The following NLRP3 variants were observed in gnomAD, a reference collection of about 807,000 sequenced individuals.
NLRP3 encodes NLR family pyrin domain containing 3.
Under a neutral mutation model 91.3 loss-of-function variants are expected in NLRP3, and 48 were observed. That is an observed-to-expected ratio of 0.53 (90% CI 0.42 to 0.67). The LOEUF (loss-of-function observed/expected upper bound fraction) is 0.67. NLRP3 is among the 30% of genes least tolerant of loss of function. The pLI, the probability that NLRP3 is intolerant of heterozygous loss-of-function variation, is 0.00. For synonymous variants in NLRP3, 561 were observed against 507.9 expected, an observed-to-expected ratio of 1.10 and a Z score of -1.41; for missense variants, 982 against 1,276.9, an observed-to-expected ratio of 0.77 and a Z score of 3.52.
intron 2 of NLRP3, among the ~76,000 whole-genome samples, chr1:247,421,864 A>C (rs1662482254): frequency 6.6e-6 from 1 of 152,086 alleles, no homozygotes; most frequent in South Asian, 2.1e-4. Flanking sequence ...ATTTACTGTC[A>C]TGGCTCCTAC....
chr1:247,436,260 A>G (rs1663785109), intron 7 of NLRP3, 120 bp downstream of exon 7: 6 of 909,020 alleles, frequency 6.6e-6, no homozygotes, highest in Non-Finnish European at 1.1e-5. Context: ...AGGAGGTAAA[A>G]ACATCAGAAA....
rs1383818420 is a variant in NLRP3, at chr1:247,425,821, GT to G, written c.2150+225del. 5 of 576,310 alleles carry G rather than the reference GT, an allele frequency of 8.7e-6. No individual in the cohort carries two copies. Among genetic ancestry groups the G allele is most frequent in the Non-Finnish European group, 1.5e-5 (5 of 322,698 alleles). 35.7% of individuals were successfully genotyped at this position (576,310 alleles called of 1,614,324 possible). On this transcript the variant is annotated intron_variant, in intron 4 of 9. Coordinates refer to ENST00000336119, the MANE Select transcript of NLRP3 (RefSeq NM_001243133.2). This position sits in a 1 kb window ranked among gnomAD's most constrained non-coding sequence, Gnocchi z 4.1. ...AAAAAAAATAAAACAAGGAACAAAT[GT>G]TTGGGGAATGCCAGTTTAGCACAAG...
At chr1:247,435,911 T>G (rs2103172816) in intron 6 of NLRP3, 59 bp from the exon 7 acceptor site, 1 of 1,571,676 alleles carries the variant, frequency 6.4e-7, no homozygotes, top group East Asian at 2.2e-5. Flanking sequence ...GGGTGCTTCC[T>G]TGTCCATGGT....
intron 5 of NLRP3, among the ~76,000 whole-genome samples, chr1:247,431,886 G>A (rs1025315190): frequency 1.3e-5 from 2 of 152,160 alleles, no homozygotes; most frequent in Non-Finnish European, 2.9e-5. Flanking sequence ...GGTAGTGTCT[G>A]GGCTTTTACT....
rs372086905 is a variant in NLRP3 at position 247,444,765 on chromosome 1, G to A, written c.2949G>A (p.Gly983=). ...GCAACAATGACCTGGGCGACCTGGG[G>A]GTCATGATGTTCTGTGAAGTGCTGA... ...SLGNNDLGDL[G]VMMFCEVLKQ... The change falls in exon 9 of 10, where the codon GGG becomes GGA. Residue 983 remains glycine, a synonymous_variant. Coordinates refer to ENST00000336119, the MANE Select transcript of NLRP3 (RefSeq NM_001243133.2). The A allele has an allele frequency of 1.4e-5, 23 of 1,614,124 alleles. No homozygotes were observed. The highest frequency in any genetic ancestry group is 1.8e-5 in the Non-Finnish European group (21 of 1,180,034).
rs199746830 is a variant in NLRP3 at position 247,434,286 on chromosome 1, C to T, written c.2492+13C>T. 2.0e-5 allele frequency: 32 copies of T among 1,613,972 alleles called. No individual in the cohort carries two copies. The highest frequency in any genetic ancestry group is 2.7e-5 in the African/African-American group (2 of 75,048). On this transcript the variant is annotated intron_variant, in intron 6 of 9. Coordinates refer to ENST00000336119, the MANE Select transcript of NLRP3 (RefSeq NM_001243133.2). ...TGAAGAAGCTCTGGTGAGTCGAGCCCGTTCCCCTAAGGAAGTTCTGCCAGC... is the reference window on the plus strand; with the variant it reads ...TGAAGAAGCTCTGGTGAGTCGAGCCTGTTCCCCTAAGGAAGTTCTGCCAGC...
intron 7 of NLRP3, among the ~76,000 whole-genome samples, chr1:247,443,261 A>C (rs1369250411): frequency 6.6e-6 from 1 of 151,672 alleles, no homozygotes; most frequent in Admixed American, 6.6e-5. Context: ...GCAGGGTCTC[A>C]CTCTGTCACC....
intron 8 of NLRP3, among the ~76,000 whole-genome samples, 170 bp from the exon 9 acceptor site, chr1:247,444,479 AAG>A (rs1664462876): frequency 2.0e-5 from 3 of 152,196 alleles, no homozygotes; most frequent in African/African-American, 7.2e-5. Context: ...GGATTTGAAA[AAG>A]AGAGAGAAGA....
intron 2 of NLRP3, among the ~76,000 whole-genome samples, chr1:247,421,928 G>A (rs1377316489): frequency 6.6e-6 from 1 of 152,192 alleles, no homozygotes; most frequent in East Asian, 1.9e-4. Flanking sequence ...GAGCTCAGGA[G>A]TTCCAGGCTG....
chr1:247,424,297 C>T lies in NLRP3; in HGVS notation c.848C>T (p.Pro283Leu), dbSNP rs1572169138. The change falls in exon 4 of 10, where the codon CCA becomes CTA. Residue 283 changes from proline to leucine, a missense_variant. Pro to Leu is a moderately conservative substitution (Grantham distance 98). This residue lies in a region of NLRP3 where 548 missense variants were observed against 713.7 expected (regional missense o/e 0.77). Transcript: ENST00000336119. This position sits in a 1 kb window ranked among gnomAD's most constrained non-coding sequence, Gnocchi z 8.1. ...ATGAGCTGCTGCCCCGACCCAAACC[C>T]ACCCATCCACAAGATCGTGAGAAAA... is the stretch of plus-strand genomic sequence containing the variant. Reference protein sequence around the residue: ...LIMSCCPDPNPPIHKIVRKPS... With the variant: ...LIMSCCPDPNLPIHKIVRKPS... The T allele has an allele frequency of 1.9e-6, 3 of 1,614,078 alleles. No individual in the cohort carries two copies. Among genetic ancestry groups the T allele is most frequent in the Non-Finnish European group, 2.5e-6 (3 of 1,179,996 alleles).
chr1:247,430,699 C>T (rs1346243950), intron 5 of NLRP3, among the ~76,000 whole-genome samples: 2 of 152,086 alleles, frequency 1.3e-5, no homozygotes, highest in Non-Finnish European at 2.9e-5. Context: ...TCCTCATGGG[C>T]CATGTTCATA....
chr1:247,418,645 A>G lies in NLRP3; in HGVS notation c.-156A>G, dbSNP rs201020122. ...TTAAAGATTTTGACTTGTTACAGTC[A>G]TGTGACATTTTTTTCTTTCTGTTTG... On this transcript the variant is annotated 5_prime_UTR_variant, in exon 2 of 10. It removes an upstream start codon present in the reference 5' UTR. Transcript: ENST00000336119. 2.1e-6 allele frequency: 2 copies of G among 931,238 alleles called. No individual in the cohort carries two copies. The highest frequency in any genetic ancestry group is 3.3e-6 in the Non-Finnish European group (2 of 602,418). 57.7% of individuals were successfully genotyped at this position (931,238 alleles called of 1,614,324 possible).
In NLRP3 at chr1:247,416,945, T is replaced by C. The variant is rs545199535; in HGVS notation, c.-749+752T>C. 1.1e-4 allele frequency among the ~76,000 whole-genome samples: 17 copies of C among 152,278 alleles called. No individual in the cohort carries two copies. The South Asian group carries it at 2.1e-3, about 19-fold the overall frequency. On this transcript the variant is annotated intron_variant, in intron 1 of 9. Transcript: ENST00000336119. The stretch of plus-strand genomic sequence containing the variant: ...CTTTAGGTTGAGGTGCTTTGCCAAA[T>C]AGAGTATAATCAAGGGATCAAGGAG...
chr1:247,427,053 C>A (rs992874484), intron 4 of NLRP3, among the ~76,000 whole-genome samples: 1 of 152,178 alleles, frequency 6.6e-6, no homozygotes. Flanking sequence ...GGAAGGTTCA[C>A]CTTACGGTTC....
Position 247,429,593 on chromosome 1 carries a change from A to C in NLRP3, c.2159A>C (p.Asn720Thr), listed in dbSNP as rs1663161123. 1 of 1,614,206 alleles carries C rather than the reference A, an allele frequency of 6.2e-7. No homozygotes were observed. The highest frequency in any genetic ancestry group is 8.5e-7 in the Non-Finnish European group (1 of 1,180,018). ...TTCCTTCTAATTCCTAGATTGGTGA[A>C]CAGCCACCTCACTTCCAGTTTTTGC... ...SHAACSHGLV[N>T]SHLTSSFCRG... Residue 720 changes from asparagine (N) to threonine (T), a missense_variant, in exon 5 of 10, where the codon AAC (asparagine) becomes ACC (threonine). Physicochemically the swap from Asn to Thr is moderately conservative, Grantham distance 65 (BLOSUM62 0). Coordinates refer to ENST00000336119, the MANE Select transcript of NLRP3 (RefSeq NM_001243133.2).
intron 2 of NLRP3, among the ~76,000 whole-genome samples, chr1:247,421,724 G>T (rs772646169): frequency 5.9e-5 from 9 of 152,194 alleles, no homozygotes; most frequent in Non-Finnish European, 8.8e-5. Context: ...ATCAAAGCCT[G>T]GCTCTTAACC....
chr1:247,426,107 A>C (rs193235741), intron 4 of NLRP3, among the ~76,000 whole-genome samples: 118 of 152,338 alleles, frequency 7.7e-4, no homozygotes, highest in African/African-American at 2.7e-3. Context: ...GGAATTCTGC[A>C]CTGAAGACTG....
chr1:247,433,097 C>T (rs1663460817), intron 5 of NLRP3, among the ~76,000 whole-genome samples: 1 of 151,844 alleles, frequency 6.6e-6, no homozygotes, highest in Admixed American at 6.6e-5. Context: ...TTTGCAGCCA[C>T]TTGGGAGGCT....
intron 8 of NLRP3, 116 bp downstream of exon 8, chr1:247,444,258 T>A: frequency 9.3e-7 from 1 of 1,079,040 alleles, no homozygotes; most frequent in Non-Finnish European, 1.4e-6. Flanking sequence ...GTCTTCTTAG[T>A]GTTTGCCTTG....
Sources: gnomAD v4.1 joint callset for allele counts (sites outside exome capture counted in the v4.1 genomes callset) on GRCh38, gnomAD v4.1.1 for gene constraint, gnomAD v4.1.1 regional missense constraint, Gnocchi (gnomAD v3.1) non-coding constraint, MANE v1.5 for transcripts, NCBI Gene and HGNC (gene_info 2026-07-23, HGNC 2026-07-21) for gene names.